TBC1D2: variants seen among roughly 807,000 people sequenced by gnomAD.
TBC1D2 encodes the protein TBC1 domain family member 2A.
Under a neutral mutation model 91.1 loss-of-function variants are expected in TBC1D2, and 58 were observed. The observed-to-expected ratio is 0.64, with a 90% CI of 0.52 to 0.79. TBC1D2 has a LOEUF of 0.79. Among genes scored for constraint, TBC1D2 ranks in the 30% least tolerant of loss-of-function variants. The pLI is 0.00. For missense variants in TBC1D2, 1,080 were observed against 1,208.3 expected (o/e 0.89, Z 1.57); for synonymous variants, 482 against 511.5 (o/e 0.94, Z 0.78).
In TBC1D2 at chr9:98,224,749, C is replaced by G. The variant is rs1404424265; in HGVS notation, c.979-3521G>C. Among the ~76,000 whole-genome samples the G allele has an allele frequency of 2.0e-4, 30 of 152,022 alleles. 1 individual carries two copies. The highest frequency in any genetic ancestry group is 2.0e-3 in the Admixed American group (30 of 15,266). On this transcript the variant is annotated intron_variant, in intron 5 of 12. Transcript: ENST00000465784. ...ATTGCTACTTTCATCAGTGGTGGGC[C>G]CTACAGGGGTCAGATGAAGGGGCAT...
In TBC1D2 at chr9:98,199,403, T is replaced by G. The variant is rs764997491; in HGVS notation, c.2765A>C (p.Asp922Ala). The G allele has an allele frequency of 1.2e-6, 2 of 1,613,304 alleles. No homozygotes were observed. Among genetic ancestry groups the G allele is most frequent in the African/African-American group, 1.3e-5 (1 of 74,888 alleles). Residue 922 changes from aspartate (D) to alanine (A), a missense_variant, in exon 13 of 13, where the codon GAC becomes GCC. By Grantham distance (126) the Asp-to-Ala change is moderately radical. Transcript: ENST00000465784. Reference protein sequence around the residue: ...RAVSEGCASEDEVEGEA With the variant: ...RAVSEGCASEAEVEGEA ...AAGTCAGGCTTCCCCCTCCACCTCG[T>G]CCTCGCTGGCACAGCCCTCGGACAC...
At chr9:98,247,001 T>G (rs1829776674) in intron 2 of TBC1D2, among the ~76,000 whole-genome samples, 1 of 148,544 alleles carries the variant, frequency 6.7e-6, no homozygotes, top group South Asian at 2.2e-4. Flanking sequence ...ATGGGGAGGG[T>G]GTTGCGACCT....
Position 98,250,500 on chromosome 9 carries a change from G to C in TBC1D2, c.511+1285C>G, listed in dbSNP as rs950216372. 2.6e-5 allele frequency among the ~76,000 whole-genome samples: 4 copies of C among 152,204 alleles called. No homozygotes were observed. The South Asian group carries it at 6.2e-4, about 24-fold the overall frequency. On this transcript the variant is annotated intron_variant, in intron 2 of 12. Transcript: ENST00000465784. ...CCTGGGTCTGATGTATGGGTCAGAG[G>C]GCAAAAATGGCCAGCACAGTGATTG...
At chr9:98,233,376 C>T in intron 4 of TBC1D2, 40 bp downstream of exon 4, 1 of 1,585,604 alleles carries the variant, frequency 6.3e-7, no homozygotes, top group Non-Finnish European at 8.6e-7. Flanking sequence ...CCGTGAGGAG[C>T]TGGTCCCTGA....
chr9:98,221,250 T>A, intron 5 of TBC1D2, 22 bp from the exon 6 acceptor site: 2 of 1,514,466 alleles, frequency 1.3e-6, no homozygotes, highest in Admixed American at 2.1e-5. Context: ...GAGGGAAGAA[T>A]CTTGTGAGCT....
intron 3 of TBC1D2, among the ~76,000 whole-genome samples, chr9:98,239,003 A>G (rs1434101583): frequency 6.6e-6 from 1 of 152,104 alleles, no homozygotes; most frequent in Non-Finnish European, 1.5e-5. Context: ...GATTGCAGGC[A>G]TGAGCCACTG....
In TBC1D2 at chr9:98,208,901, G is replaced by T. The variant is rs1053478067; in HGVS notation, c.1917C>A (p.Val639=). The T allele has an allele frequency of 6.2e-7, 1 of 1,614,106 alleles. No individual in the cohort carries two copies. Among genetic ancestry groups the T allele is most frequent in the Admixed American group, 1.7e-5 (1 of 60,026 alleles). ...TGTGCAGGTGCTGGACACGGAGGTGGACCAGCCACCTCCAGACACGAGGCC... is the reference window on the plus strand; with the variant it reads ...TGTGCAGGTGCTGGACACGGAGGTGTACCAGCCACCTCCAGACACGAGGCC... ...EHRPRVWRWL[V]HLRVQHLHTP... The change falls in exon 9 of 13, where the codon GTC becomes GTA. Residue 639 remains valine, a synonymous_variant. Coordinates refer to ENST00000465784, the MANE Select transcript of TBC1D2 (RefSeq NM_001267571.2).
At chr9:98,252,087 A>T (rs1829885719) in intron 1 of TBC1D2, among the ~76,000 whole-genome samples, 161 bp from the exon 2 acceptor site, 1 of 152,050 alleles carries the variant, frequency 6.6e-6, no homozygotes, top group South Asian at 2.1e-4. Context: ...ACAGAAGATC[A>T]TCAGGCTCTG....
chr9:98,240,169 GTGTGT>G (rs1829601805), intron 3 of TBC1D2, among the ~76,000 whole-genome samples: 1 of 100,196 alleles, frequency 1.0e-5, no homozygotes, highest in African/African-American at 4.3e-5. Context: ...TTTGTGTGGT[GTGTGT>G]GTGTGTGTGT....
intron 6 of TBC1D2, among the ~76,000 whole-genome samples, chr9:98,218,515 C>T (rs926051633): frequency 2.0e-5 from 3 of 151,932 alleles, no homozygotes; most frequent in South Asian, 2.1e-4. Flanking sequence ...TGCAGTGAGC[C>T]GAGACCGCGC....
intron 7 of TBC1D2, 50 bp from the exon 8 acceptor site, chr9:98,210,893 C>CCCAGAGG (rs1564237951): frequency 8.0e-7 from 1 of 1,255,276 alleles, no homozygotes; most frequent in African/African-American, 2.1e-5. Context: ...GCTGGGCCGC[C>CCCAGAGG]CCAGAGGCCT....
intron 6 of TBC1D2, among the ~76,000 whole-genome samples, chr9:98,218,275 G>A (rs1221139388): frequency 6.6e-6 from 1 of 152,054 alleles, no homozygotes; most frequent in African/African-American, 2.4e-5. Context: ...CACTGATAAA[G>A]AAAATTCATG....
rs1829693129 is a variant in TBC1D2, at chr9:98,243,433, C to T, written c.647+561G>A. Among the ~76,000 whole-genome samples, 5 of 152,026 alleles carry T rather than the reference C, an allele frequency of 3.3e-5. No homozygotes were observed. The South Asian group carries it at 1.0e-3, about 32-fold the overall frequency. On this transcript the variant is annotated intron_variant, in intron 3 of 12. Coordinates refer to ENST00000465784, the MANE Select transcript of TBC1D2 (RefSeq NM_001267571.2). Reference sequence around the variant, plus strand: ...GCTCCAGCCTCCCTAGTAGCTGGGACTACAGGCTGTGAGCCACCTCGTCCA... The same window carrying T: ...GCTCCAGCCTCCCTAGTAGCTGGGATTACAGGCTGTGAGCCACCTCGTCCA...
Position 98,220,835 on chromosome 9 carries a change from T to G in TBC1D2, c.1372A>C (p.Lys458Gln). Residue 458 changes from lysine (K) to glutamine (Q), a missense_variant and splice_region_variant, in exon 6 of 13, where the codon AAG becomes CAG. Lys to Gln is a moderately conservative substitution (Grantham distance 53, BLOSUM62 1). Transcript: ENST00000465784. ...LSQQGKIEHL[K>Q]DDMEAYRTQN... ...AGGCCCTGAGGGGAGGCCCCTACCTTCAGGTGCTCTATCTTCCCCTGCTGG... is the reference window on the plus strand; with the variant it reads ...AGGCCCTGAGGGGAGGCCCCTACCTGCAGGTGCTCTATCTTCCCCTGCTGG... The G allele has an allele frequency of 1.2e-6, 2 of 1,613,658 alleles. No homozygotes were observed. Among genetic ancestry groups the G allele is most frequent in the Non-Finnish European group, 1.7e-6 (2 of 1,179,682 alleles).
rs756243707 is a variant in TBC1D2, at chr9:98,203,371, C to A, written c.2188G>T (p.Glu730Ter). The A allele has an allele frequency of 4.3e-6, 7 of 1,614,040 alleles. No individual in the cohort carries two copies. Among genetic ancestry groups the A allele is most frequent in the Non-Finnish European group, 5.9e-6 (7 of 1,180,012 alleles). ...GCCACCAGGCACCAGAAGGCGCTCTCCTCCTCCTCTAGGACCAGCAGGGCA... is the reference window on the plus strand; with the variant it reads ...GCCACCAGGCACCAGAAGGCGCTCTACTCCTCCTCTAGGACCAGCAGGGCA... ...AIALLVLEEE[E>*]SAFWCLVAIV... The change falls in exon 10 of 13, where the codon GAG becomes TAG. Residue 730 changes from glutamate to a stop codon, truncating the protein, a stop_gained. Coordinates refer to ENST00000465784, the MANE Select transcript of TBC1D2 (RefSeq NM_001267571.2). LOFTEE classifies it high-confidence loss of function.
At chr9:98,231,031 T>C (rs1486833170) in intron 4 of TBC1D2, among the ~76,000 whole-genome samples, 2 of 152,120 alleles carry the variant, frequency 1.3e-5, no homozygotes, top group African/African-American at 2.4e-5. Flanking sequence ...TGTAATGGGG[T>C]ATAGGGGAGC....
intron 11 of TBC1D2, 133 bp from the exon 12 acceptor site, chr9:98,200,507 A>G (rs1828464081): frequency 9.8e-6 from 5 of 510,354 alleles, no homozygotes; most frequent in Non-Finnish European, 1.6e-5. Context: ...CTGGAGGCAC[A>G]ATGTGTGGGG....
intron 4 of TBC1D2, among the ~76,000 whole-genome samples, chr9:98,231,454 C>A (rs1829368961): frequency 6.6e-6 from 1 of 152,074 alleles, no homozygotes. Context: ...CTGTTTAACA[C>A]AGTGTAAACA....
Position 98,210,848 on chromosome 9 carries a change from A to C in TBC1D2, c.1486-5T>G. Reference sequence around the variant, plus strand: ...TCTGGCTTGGAGGTAGGCGCACTGCAAACAGGGAAAGGCTGGTCAGGCTAC... The same window carrying C: ...TCTGGCTTGGAGGTAGGCGCACTGCCAACAGGGAAAGGCTGGTCAGGCTAC... On this transcript the variant is annotated splice_polypyrimidine_tract_variant and splice_region_variant and intron_variant, in intron 7 of 12. Transcript: ENST00000465784. 6.4e-7 allele frequency: 1 copy of C among 1,550,558 alleles called. No individual in the cohort carries two copies. Among genetic ancestry groups the C allele is most frequent in the Non-Finnish European group, 8.7e-7 (1 of 1,146,272 alleles).
Sources: gnomAD v4.1 joint callset for allele counts (sites outside exome capture counted in the v4.1 genomes callset) on GRCh38, gnomAD v4.1.1 for gene constraint, MANE v1.5 for transcripts, NCBI Gene and HGNC (gene_info 2026-07-23, HGNC 2026-07-21) for gene names.